The following KCTD8 variants were observed in gnomAD, a reference collection of about 807,000 sequenced individuals.
KCTD8 encodes the protein BTB/POZ domain-containing protein KCTD8.
KCTD8 carries 27 observed loss-of-function variants against 31.5 expected under a neutral mutation model. The observed-to-expected ratio is 0.86, with a 90% CI of 0.63 to 1.18. KCTD8 has a LOEUF of 1.18. Ranked by LOEUF, KCTD8 falls within the 50% of genes most tolerant of loss-of-function variation. KCTD8 has a pLI of 0.00. For missense variants in KCTD8, 658 were observed against 647.7 expected (o/e 1.02, Z -0.17); for synonymous variants, 290 against 280.0 (o/e 1.04, Z -0.36).
At chr4:44,266,004 C>A (rs1350504485) in intron 1 of KCTD8, among the ~76,000 whole-genome samples, 2 of 152,084 alleles carry the variant, frequency 1.3e-5, no homozygotes, top group Non-Finnish European at 2.9e-5. Flanking sequence ...TCCAATCTAG[C>A]AAGGCAGGCC....
chr4:44,288,577 A>T (rs368141342), intron 1 of KCTD8, among the ~76,000 whole-genome samples: 1 of 152,092 alleles, frequency 6.6e-6, no homozygotes, highest in East Asian at 1.9e-4. Flanking sequence ...AAACAATCAA[A>T]AACATTGGAT....
chr4:44,224,405 C>T (rs529503152), intron 1 of KCTD8, among the ~76,000 whole-genome samples: 7 of 152,286 alleles, frequency 4.6e-5, no homozygotes, highest in African/African-American at 1.7e-4. Flanking sequence ...CACCTCAATG[C>T]CTTATTCATT....
intron 1 of KCTD8, among the ~76,000 whole-genome samples, chr4:44,208,426 G>A (rs1714382291): frequency 6.6e-6 from 1 of 152,096 alleles, no homozygotes; most frequent in South Asian, 2.1e-4. Flanking sequence ...CTAATGAGTA[G>A]CCTTTTAATC....
intron 1 of KCTD8, among the ~76,000 whole-genome samples, chr4:44,401,187 T>G (rs115670644): frequency 2.0e-5 from 3 of 151,720 alleles, no homozygotes; most frequent in African/African-American, 7.3e-5. Context: ...TAAGATGTAG[T>G]TGGGTATGAT....
At chr4:44,250,334 C>G (rs1291179425) in intron 1 of KCTD8, among the ~76,000 whole-genome samples, 2 of 151,744 alleles carry the variant, frequency 1.3e-5, no homozygotes, top group Non-Finnish European at 1.5e-5. Context: ...TGATGAGAGT[C>G]TAATGAAATC....
At chr4:44,401,011 CT>C (rs59602420) in intron 1 of KCTD8, among the ~76,000 whole-genome samples, 1,645 of 95,842 alleles carry the variant, frequency 0.017, 11 homozygotes, top group South Asian at 0.058. Context: ...AATTTTCTTT[CT>C]TTTTTTTTTT....
chr4:44,436,078 C>A (rs1439988505), intron 1 of KCTD8, among the ~76,000 whole-genome samples: 1 of 152,016 alleles, frequency 6.6e-6, no homozygotes, highest in African/African-American at 2.4e-5. Flanking sequence ...ATGTTTGATG[C>A]GAAGTTACAA....
chr4:44,214,732 A>G (rs1714599365), intron 1 of KCTD8, among the ~76,000 whole-genome samples: 1 of 152,202 alleles, frequency 6.6e-6, no homozygotes, highest in Non-Finnish European at 1.5e-5. Flanking sequence ...TTATAGTTTA[A>G]CTTTGAAACA....
At chr4:44,439,810 T>C (rs1361111814) in intron 1 of KCTD8, among the ~76,000 whole-genome samples, 5 of 152,084 alleles carry the variant, frequency 3.3e-5, no homozygotes, top group African/African-American at 1.2e-4. Context: ...CTATGGTATG[T>C]TGGGGTATGG....
intron 1 of KCTD8, among the ~76,000 whole-genome samples, chr4:44,321,478 A>G (rs1390960320): frequency 6.6e-6 from 1 of 152,054 alleles, no homozygotes; most frequent in African/African-American, 2.4e-5. Flanking sequence ...TGTTTTTTTG[A>G]TATATCATAA....
chr4:44,412,007 C>T lies in KCTD8; in HGVS notation c.961+35556G>A, dbSNP rs930051266. ...TTACAGGAGCCCTAGGAATCTACTA[C>T]GCATGGATTACAGGGTGGCACAATG... On this transcript the variant is annotated intron_variant, in intron 1 of 1. Transcript: ENST00000360029. 3.3e-5 allele frequency among the ~76,000 whole-genome samples: 5 copies of T among 152,208 alleles called. No individual in the cohort carries two copies. In the East Asian group the frequency reaches 5.8e-4, roughly 18 times the overall value.
chr4:44,233,880 G>A (rs571668086), intron 1 of KCTD8, among the ~76,000 whole-genome samples: 2 of 152,148 alleles, frequency 1.3e-5, no homozygotes, highest in South Asian at 4.1e-4. Context: ...ACATATGGTG[G>A]TTTTAAACAA....
intron 1 of KCTD8, among the ~76,000 whole-genome samples, chr4:44,327,532 C>T (rs1031375309): frequency 6.6e-6 from 1 of 151,436 alleles, no homozygotes; most frequent in African/African-American, 2.4e-5. Context: ...GAGAGCAATC[C>T]CAAAGGGTAT....
chr4:44,278,875 C>G (rs979131653), intron 1 of KCTD8, among the ~76,000 whole-genome samples: 10 of 151,930 alleles, frequency 6.6e-5, no homozygotes, highest in African/African-American at 2.2e-4. Context: ...GCATGCTTTC[C>G]CCAATATTTT....
intron 1 of KCTD8, among the ~76,000 whole-genome samples, chr4:44,437,434 A>T (rs766899782): frequency 1.3e-4 from 20 of 152,200 alleles, no homozygotes; most frequent in Non-Finnish European, 5.9e-5. Flanking sequence ...AATATCGGTT[A>T]ATGAATGCAT....
chr4:44,193,869 A>T (rs1713842745), intron 1 of KCTD8, among the ~76,000 whole-genome samples: 1 of 152,180 alleles, frequency 6.6e-6, no homozygotes, highest in South Asian at 2.1e-4. Context: ...TTTTATATTA[A>T]TTACAAGAAA....
Position 44,174,792 on chromosome 4 carries a change from A to G in KCTD8, c.1420T>C (p.Ter474GlnextTer1). 1.3e-6 allele frequency: 2 copies of G among 1,594,512 alleles called. No homozygotes were observed. Among genetic ancestry groups the G allele is most frequent in the Non-Finnish European group, 1.7e-6 (2 of 1,169,934 alleles). ...QSELLQKYGL[*>Q] Reference sequence around the variant, plus strand: ...ATACTGCAGGAATGTGACAATTACTATAACCCATACTTCTGCAACAGTTCA... The same window carrying G: ...ATACTGCAGGAATGTGACAATTACTGTAACCCATACTTCTGCAACAGTTCA... Residue 474 changes from the stop codon to glutamine, a stop_lost, in exon 2 of 2, where the codon TAG becomes CAG. Transcript: ENST00000360029.
Position 44,382,040 on chromosome 4 carries a change from T to C in KCTD8, c.961+65523A>G, listed in dbSNP as rs1234217074. ...AAGAGAATATAATAAATTGCAAATA[T>C]ATAGGTACCCCGAACAGGAGCACTC... On this transcript the variant is annotated intron_variant, in intron 1 of 1. Transcript: ENST00000360029. 2.0e-5 allele frequency among the ~76,000 whole-genome samples: 3 copies of C among 152,232 alleles called. No individual in the cohort carries two copies. In the East Asian group the frequency reaches 5.8e-4, roughly 30 times the overall value.
At chr4:44,358,567 CTT>C (rs113573085) in intron 1 of KCTD8, among the ~76,000 whole-genome samples, 19 of 147,642 alleles carry the variant, frequency 1.3e-4, no homozygotes, top group African/African-American at 3.7e-4. Context: ...TGTTTCCTGA[CTT>C]TTTTTTTTTT....
Sources: allele counts gnomAD v4.1 joint callset (sites outside exome capture counted in the v4.1 genomes callset), GRCh38; gene constraint gnomAD v4.1.1; transcripts MANE v1.5; gene names NCBI Gene and HGNC (gene_info 2026-07-23, HGNC 2026-07-21).